Variants in WDR11 observed in about 807,000 individuals in gnomAD.
The protein encoded by WDR11 is WD repeat-containing protein 11.
WDR11 carries 83 observed loss-of-function variants against 151.2 expected under a neutral mutation model. The observed-to-expected ratio is 0.55, with a 90% CI of 0.46 to 0.66. The LOEUF is 0.66. Ranked by LOEUF, WDR11 falls within the 30% of genes least tolerant of loss-of-function variation. The probability of loss-of-function intolerance (pLI) is 0.00; values close to 1 mark genes in which losing one functional copy is unlikely to be tolerated. For missense variants in WDR11, 1,301 were observed against 1,480.9 expected (o/e 0.88, Z 1.99); for synonymous variants, 484 against 533.1 (o/e 0.91, Z 1.27).
rs1564948641 is a variant in WDR11, at chr10:120,871,174, A to G, written c.1299A>G (p.Gln433=). ...PDLSLDNMIG[Q]SAIAGEEHPR... The stretch of plus-strand genomic sequence containing the variant: ...GTTATTTTTATTACAAATCAGGGCA[A>G]AGTGCAATTGCTGGGGAAGAACATC... Residue 433 remains glutamine, a synonymous_variant, in exon 10 of 29, where the codon CAA becomes CAG. Coordinates refer to ENST00000263461, the MANE Select transcript of WDR11 (RefSeq NM_018117.12). The G allele has an allele frequency of 6.2e-7, 1 of 1,614,192 alleles. No homozygotes were observed. The highest frequency in any genetic ancestry group is 2.2e-5 in the East Asian group (1 of 44,884).
intron 11 of WDR11, 99 bp from the exon 12 acceptor site, chr10:120,878,254 A>T (rs1295596424): frequency 1.1e-6 from 1 of 870,224 alleles, no homozygotes. Flanking sequence ...TAATTTGTGT[A>T]ATAAAATTTA....
intron 19 of WDR11, among the ~76,000 whole-genome samples, chr10:120,899,254 G>T (rs953808634): frequency 6.6e-6 from 1 of 152,140 alleles, no homozygotes; most frequent in Non-Finnish European, 1.5e-5. Flanking sequence ...CTTTATAAGT[G>T]AGACCTGGGA....
intron 2 of WDR11, among the ~76,000 whole-genome samples, chr10:120,857,877 T>A (rs1424501799): frequency 1.3e-5 from 2 of 152,136 alleles, no homozygotes; most frequent in Non-Finnish European, 2.9e-5. Context: ...GATGGACTCA[T>A]GAATAGGCAA....
intron 2 of WDR11, among the ~76,000 whole-genome samples, chr10:120,856,865 A>G (rs1845965735): frequency 6.6e-6 from 1 of 152,158 alleles, no homozygotes; most frequent in Non-Finnish European, 1.5e-5. Flanking sequence ...TATATTCTGT[A>G]AAGTTGTTGT....
In WDR11 at chr10:120,883,741, TGCAAAAAGGG is replaced by T. The variant is rs750954607; in HGVS notation, c.1740-36_1740-27del. On this transcript the variant is annotated intron_variant, in intron 13 of 28. Transcript: ENST00000263461. ...TTGCTCTAATTCATGGTGAAATTTT[TGCAAAAAGGG>T]GCTTATTTAGTAATTTTGTTTATTT... The T allele has an allele frequency of 2.5e-6, 4 of 1,584,718 alleles. No individual in the cohort carries two copies. In the South Asian group the frequency reaches 4.4e-5, roughly 18 times the overall value.
At chr10:120,885,189 G>GCACC (rs1002212777) in intron 14 of WDR11, 5 of 152,102 alleles carry the variant, frequency 3.3e-5, no homozygotes, top group Middle Eastern at 6.3e-3. Flanking sequence ...ATTGGCTGAT[G>GCACC]CACCCATGGA....
At chr10:120,866,928 C>T (rs1275499791) in intron 8 of WDR11, 138 bp from the exon 9 acceptor site, 2 of 1,017,336 alleles carry the variant, frequency 2.0e-6, no homozygotes, top group East Asian at 2.6e-5. Context: ...TCTGCTAGAG[C>T]TATTTCACCT....
chr10:120,902,419 AATGT>A, intron 22 of WDR11, 97 bp downstream of exon 22: 1 of 1,011,234 alleles, frequency 9.9e-7, no homozygotes, highest in South Asian at 1.4e-5. Context: ...ATTTTAGAAA[AATGT>A]ATCAGTTCAT....
chr10:120,852,673 A>C (rs1202725447), intron 2 of WDR11, 38 bp downstream of exon 2: 1 of 1,549,162 alleles, frequency 6.5e-7, no homozygotes, highest in African/African-American at 1.4e-5. Flanking sequence ...CATGTTGTCT[A>C]GTCTAAAGTT....
At chr10:120,857,381 TTATAG>T (rs1045152680) in intron 2 of WDR11, among the ~76,000 whole-genome samples, 3 of 152,164 alleles carry the variant, frequency 2.0e-5, no homozygotes, top group African/African-American at 7.2e-5. Flanking sequence ...AGGTTGCAAA[TTATAG>T]TGAGTAGGTA....
intron 7 of WDR11, among the ~76,000 whole-genome samples, chr10:120,865,952 G>GA (rs1365219885): frequency 8.6e-5 from 13 of 151,766 alleles, no homozygotes; most frequent in Non-Finnish European, 1.9e-4. Context: ...ATACATCAAA[G>GA]AGAGTAAAAT....
chr10:120,852,777 T>G, intron 2 of WDR11, 142 bp downstream of exon 2: 1 of 699,286 alleles, frequency 1.4e-6, no homozygotes, highest in South Asian at 1.7e-5. Flanking sequence ...GCCTAGAATT[T>G]TCATATATAT....
At chr10:120,906,462 C>T (rs1445931983) in intron 27 of WDR11, 47 of 1,218,060 alleles carry the variant, frequency 3.9e-5, no homozygotes, top group South Asian at 1.0e-4. Context: ...AGGTAGATTA[C>T]GGAAATATGA....
At chr10:120,874,006 T>G in intron 11 of WDR11, 83 bp downstream of exon 11, 1 of 847,064 alleles carries the variant, frequency 1.2e-6, no homozygotes. Context: ...TTGAGTACTC[T>G]GTAATATCTG....
intron 13 of WDR11, among the ~76,000 whole-genome samples, chr10:120,882,872 C>T (rs986495426): frequency 2.6e-5 from 4 of 151,828 alleles, no homozygotes; most frequent in Non-Finnish European, 5.9e-5. Context: ...ATATGCTCTC[C>T]TTTTTTTACA....
At chr10:120,906,922 C>T (rs1848076689) in intron 28 of WDR11, 67 bp downstream of exon 28, 1 of 1,602,776 alleles carries the variant, frequency 6.2e-7, no homozygotes. Context: ...TGGAATTTCC[C>T]TTAGTTGTGC....
intron 1 of WDR11, chr10:120,851,819 T>C (rs1426292529): frequency 1.0e-5 from 5 of 487,418 alleles, no homozygotes; most frequent in Middle Eastern, 5.7e-4. Context: ...CAGGCTTCTC[T>C]CTCTCCACCA....
chr10:120,880,790 C>T, intron 12 of WDR11, 36 bp from the exon 13 acceptor site: 1 of 1,544,284 alleles, frequency 6.5e-7, no homozygotes, highest in Non-Finnish European at 8.9e-7. Flanking sequence ...ATGTTTTATG[C>T]ACTGTTCTCA....
Position 120,865,611 on chromosome 10 carries a change from A to G in WDR11, c.880-19A>G. 1 of 1,497,440 alleles carries G rather than the reference A, an allele frequency of 6.7e-7. No homozygotes were observed. Among genetic ancestry groups the G allele is most frequent in the Non-Finnish European group, 9.3e-7 (1 of 1,080,978 alleles). The allele number at this position is 1,497,440 out of a possible 1,614,324, so 92.8% of individuals were successfully genotyped here. A position where few individuals can be genotyped will look rare whatever the true frequency, so the allele number is the denominator to read the frequency against. On this transcript the variant is annotated intron_variant, in intron 6 of 28. Coordinates refer to ENST00000263461, the MANE Select transcript of WDR11 (RefSeq NM_018117.12). ...TAATCTATTGTGTTTTAAAAAATAA[A>G]TATATCATCTATTTAAAGGTAATAC... is the stretch of plus-strand genomic sequence containing the variant.
Sources: gnomAD v4.1 joint callset for allele counts (sites outside exome capture counted in the v4.1 genomes callset) on GRCh38, gnomAD v4.1.1 for gene constraint, MANE v1.5 for transcripts, NCBI Gene and HGNC (gene_info 2026-07-23, HGNC 2026-07-21) for gene names.